The following ZFPM2 variants were observed in gnomAD, a reference collection of about 807,000 sequenced individuals.
ZFPM2 encodes the protein zinc finger protein, FOG family member 2.
Under a neutral mutation model 98.6 loss-of-function variants are expected in ZFPM2, and 20 were observed. The ratio of observed to expected loss-of-function variants is 0.20; its 90% confidence interval spans 0.14 to 0.29. The LOEUF is 0.29. Among genes scored for constraint, ZFPM2 ranks in the 10% least tolerant of loss-of-function variants. The pLI is 1.00. For synonymous variants in ZFPM2, 518 were observed against 502.7 expected (o/e 1.03, Z -0.41); for missense variants, 1,310 against 1,388.6 (o/e 0.94, Z 0.90).
At chr8:105,363,827 C>T (rs1240288521) in intron 1 of ZFPM2, among the ~76,000 whole-genome samples, 3 of 152,114 alleles carry the variant, frequency 2.0e-5, no homozygotes, top group African/African-American at 7.2e-5. Flanking sequence ...GCCATGAGAT[C>T]TGAGCATATA....
intron 5 of ZFPM2, among the ~76,000 whole-genome samples, chr8:105,657,001 T>G (rs950672348): frequency 1.3e-5 from 2 of 152,190 alleles, no homozygotes; most frequent in Non-Finnish European, 2.9e-5. Flanking sequence ...CCTTTTTTGT[T>G]GCCCTAGTTT....
intron 5 of ZFPM2, among the ~76,000 whole-genome samples, chr8:105,646,900 A>G (rs1316250351): frequency 6.6e-6 from 1 of 152,170 alleles, no homozygotes; most frequent in East Asian, 1.9e-4. Flanking sequence ...CCCTGGATCT[A>G]AAGGCTCTAT....
At chr8:105,598,213 C>T (rs1195422822) in intron 4 of ZFPM2, among the ~76,000 whole-genome samples, 4 of 151,910 alleles carry the variant, frequency 2.6e-5, no homozygotes, top group Non-Finnish European at 4.4e-5. Flanking sequence ...CTTGCTTGCG[C>T]GGAGTCCAGC....
intron 5 of ZFPM2, among the ~76,000 whole-genome samples, chr8:105,775,340 T>G (rs1813079522): frequency 6.6e-6 from 1 of 151,940 alleles, no homozygotes; most frequent in South Asian, 2.1e-4. Flanking sequence ...CCACCTAATT[T>G]CAGTGCATTC....
At chr8:105,563,791 C>G (rs1269897447) in intron 4 of ZFPM2, among the ~76,000 whole-genome samples, 1 of 152,076 alleles carries the variant, frequency 6.6e-6, no homozygotes, top group Non-Finnish European at 1.5e-5. Flanking sequence ...TCATATTTAT[C>G]TTATTTATCA....
At chr8:105,376,054 A>G (rs908083640) in intron 1 of ZFPM2, among the ~76,000 whole-genome samples, 3 of 151,872 alleles carry the variant, frequency 2.0e-5, no homozygotes, top group Non-Finnish European at 1.5e-5. Flanking sequence ...TCTCTCTTCA[A>G]CTCCATCCCA....
chr8:105,553,424 A>G lies in ZFPM2; in HGVS notation c.302-7939A>G, dbSNP rs1473345071. Among the ~76,000 whole-genome samples the G allele has an allele frequency of 5.3e-5, 8 of 152,300 alleles. No homozygotes were observed. In the South Asian group the frequency reaches 8.3e-4, roughly 16 times the overall value. ...TTTAGAAACTATAGCCAAAGAGAGC[A>G]TTTTGCATTCTTGAGAAATACAGTA... On this transcript the variant is annotated intron_variant, in intron 3 of 7. Coordinates refer to ENST00000407775, the MANE Select transcript of ZFPM2 (RefSeq NM_012082.4).
chr8:105,719,389 T>C (rs1811601426), intron 5 of ZFPM2, among the ~76,000 whole-genome samples: 1 of 151,978 alleles, frequency 6.6e-6, no homozygotes, highest in East Asian at 1.9e-4. Flanking sequence ...AACCACAGTT[T>C]GGTGCTGAAT....
chr8:105,676,659 G>A (rs995269039), intron 5 of ZFPM2, among the ~76,000 whole-genome samples: 6 of 151,858 alleles, frequency 4.0e-5, no homozygotes, highest in African/African-American at 1.2e-4. Context: ...ATATATAAGA[G>A]CAATATTTGA....
chr8:105,332,868 T>A lies in ZFPM2; in HGVS notation c.40+13887T>A, dbSNP rs112222279. Among the ~76,000 whole-genome samples, 1,311 of 151,782 alleles carry A rather than the reference T, an allele frequency of 8.6e-3. 17 individuals carry two copies. The highest frequency in any genetic ancestry group is 0.03 in the African/African-American group (1,249 of 41,464). ...GGTATTTTCAAGGTCCAGTGAATAG[T>A]TGTGGCCAAAGATGAAACTATGTGA... On this transcript the variant is annotated intron_variant, in intron 1 of 7. Coordinates refer to ENST00000407775, the MANE Select transcript of ZFPM2 (RefSeq NM_012082.4).
intron 3 of ZFPM2, among the ~76,000 whole-genome samples, chr8:105,537,860 A>G (rs1044245243): frequency 2.6e-5 from 4 of 151,836 alleles, no homozygotes; most frequent in African/African-American, 9.7e-5. Flanking sequence ...CCTCCCTAGT[A>G]GCTGGGACTT....
intron 3 of ZFPM2, among the ~76,000 whole-genome samples, chr8:105,465,351 C>T (rs183519279): frequency 2.8e-4 from 42 of 151,848 alleles, no homozygotes; most frequent in Admixed American, 2.2e-3. Context: ...GTGTTTTGGA[C>T]AAATTGAATA....
At chr8:105,619,219 A>G (rs1816479829) in intron 4 of ZFPM2, among the ~76,000 whole-genome samples, 1 of 152,082 alleles carries the variant, frequency 6.6e-6, no homozygotes, top group Non-Finnish European at 1.5e-5. Flanking sequence ...ATCTATTACT[A>G]TGTTGTTGTT....
intron 3 of ZFPM2, among the ~76,000 whole-genome samples, chr8:105,460,431 G>T (rs1812683120): frequency 6.6e-6 from 1 of 152,108 alleles, no homozygotes; most frequent in Non-Finnish European, 1.5e-5. Flanking sequence ...GCCAGTTAAG[G>T]CCACTTGCCT....
chr8:105,453,568 T>C, intron 3 of ZFPM2, among the ~76,000 whole-genome samples: 1 of 152,200 alleles, frequency 6.6e-6, no homozygotes, highest in Non-Finnish European at 1.5e-5. Context: ...TCAAAAGTTA[T>C]CAACTTTTAG....
intron 2 of ZFPM2, among the ~76,000 whole-genome samples, chr8:105,433,891 G>A (rs1001704557): frequency 6.6e-6 from 1 of 152,180 alleles, no homozygotes; most frequent in Non-Finnish European, 1.5e-5. Context: ...GTCCTCAAAT[G>A]TATAGCCAAA....
intron 3 of ZFPM2, among the ~76,000 whole-genome samples, chr8:105,534,629 G>T (rs1168604955): frequency 3.9e-5 from 6 of 152,136 alleles, no homozygotes; most frequent in Non-Finnish European, 7.3e-5. Flanking sequence ...AGAAGGAGAA[G>T]AATATCTAGA....
intron 1 of ZFPM2, among the ~76,000 whole-genome samples, chr8:105,405,577 G>A (rs1811433437): frequency 6.6e-6 from 1 of 151,782 alleles, no homozygotes; most frequent in Admixed American, 6.6e-5. Context: ...ATGGTTTCCA[G>A]CTTCATCCAT....
chr8:105,388,205 G>GCA (rs978241349), intron 1 of ZFPM2, among the ~76,000 whole-genome samples: 18 of 152,176 alleles, frequency 1.2e-4, no homozygotes, highest in Middle Eastern at 3.4e-3. Context: ...ATATGAATGT[G>GCA]CACACACACA....
Sources: allele counts gnomAD v4.1 joint callset (sites outside exome capture counted in the v4.1 genomes callset), GRCh38; gene constraint gnomAD v4.1.1; transcripts MANE v1.5; gene names NCBI Gene and HGNC (gene_info 2026-07-23, HGNC 2026-07-21).